Variants in CSNK1G3 observed in about 807,000 individuals in gnomAD.
CSNK1G3 encodes casein kinase I isoform gamma-3.
CSNK1G3 carries 23 observed loss-of-function variants against 64.3 expected under a neutral mutation model. That is an observed-to-expected ratio of 0.36 (90% CI 0.26 to 0.51). The LOEUF (loss-of-function observed/expected upper bound fraction) is 0.51. Among genes scored for constraint, CSNK1G3 ranks in the 20% least tolerant of loss-of-function variants. The pLI is 0.96. For synonymous variants in CSNK1G3, 158 were observed against 162.2 expected (o/e 0.97, Z 0.20); for missense variants, 357 against 510.5 (o/e 0.70, Z 2.90).
chr5:123,568,353 C>CAGTGA (rs1787371291), intron 4 of CSNK1G3, among the ~76,000 whole-genome samples: 17 of 152,118 alleles, frequency 1.1e-4, no homozygotes, highest in Admixed American at 1.1e-3. Flanking sequence ...TCTTCTCGGT[C>CAGTGA]CAACCACTGG....
At chr5:123,600,603 T>C (rs558431602) in intron 10 of CSNK1G3, among the ~76,000 whole-genome samples, 126 of 149,192 alleles carry the variant, frequency 8.4e-4, no homozygotes, top group Middle Eastern at 3.4e-3. Context: ...TCAGCCTGGG[T>C]GACCGAATAA....
chr5:123,578,280 G>A (rs1008053111), intron 6 of CSNK1G3, among the ~76,000 whole-genome samples: 3 of 151,684 alleles, frequency 2.0e-5, no homozygotes, highest in African/African-American at 7.3e-5. Context: ...ATTTCCATCA[G>A]TAATGAATGA....
intron 1 of CSNK1G3, among the ~76,000 whole-genome samples, chr5:123,526,282 T>A (rs1779057050): frequency 6.6e-6 from 1 of 152,132 alleles, no homozygotes; most frequent in Non-Finnish European, 1.5e-5. Context: ...GGTCTTGAGC[T>A]GGCCTCAAGT....
At chr5:123,599,690 T>G (rs139023255) in intron 10 of CSNK1G3, among the ~76,000 whole-genome samples, 26 of 152,282 alleles carry the variant, frequency 1.7e-4, no homozygotes, top group Non-Finnish European at 2.9e-4. Flanking sequence ...TAGTGACTAT[T>G]ACAATCACAT....
At chr5:123,573,850 A>AT (rs35902791) in intron 5 of CSNK1G3, among the ~76,000 whole-genome samples, 47,580 of 140,210 alleles carry the variant, frequency 0.34, 8,507 homozygotes, top group African/African-American at 0.44. Flanking sequence ...AGAAACATAG[A>AT]TTTTTTTTTT....
At chr5:123,542,401 A>G (rs2150222541) in intron 1 of CSNK1G3, among the ~76,000 whole-genome samples, 1 of 152,310 alleles carries the variant, frequency 6.6e-6, no homozygotes, top group East Asian at 1.9e-4. Context: ...TTATCTTTAA[A>G]GGAAATTAAT....
chr5:123,575,496 C>A lies in CSNK1G3; in HGVS notation c.439-233C>A, dbSNP rs112572226. Reference sequence around the variant, plus strand: ...CAGGCTTGCTGATATGAAAGGAATTCATAAAATTCAAATACTCTCGTTTAG... The same window carrying A: ...CAGGCTTGCTGATATGAAAGGAATTAATAAAATTCAAATACTCTCGTTTAG... On this transcript the variant is annotated intron_variant, in intron 5 of 12. Coordinates refer to ENST00000345990, the Ensembl canonical transcript of CSNK1G3. Among the ~76,000 whole-genome samples, 1,217 of 152,226 alleles carry A rather than the reference C, an allele frequency of 8.0e-3. 10 individuals carry two copies. Among genetic ancestry groups the A allele is most frequent in the East Asian group, 0.049 (255 of 5,172 alleles).
chr5:123,570,252 C>G (rs1438895363), intron 4 of CSNK1G3, among the ~76,000 whole-genome samples: 9 of 151,798 alleles, frequency 5.9e-5, no homozygotes, highest in Non-Finnish European at 8.8e-5. Flanking sequence ...ATACTGCTAT[C>G]TATCTTATTC....
chr5:123,566,362 A>G (rs1248792628), intron 4 of CSNK1G3, among the ~76,000 whole-genome samples: 1 of 152,222 alleles, frequency 6.6e-6, no homozygotes, highest in Non-Finnish European at 1.5e-5. Flanking sequence ...AAATTATCAG[A>G]TGTAACTTTC....
At chr5:123,534,829 G>A (rs1780526785) in intron 1 of CSNK1G3, among the ~76,000 whole-genome samples, 1 of 152,074 alleles carries the variant, frequency 6.6e-6, no homozygotes, top group Non-Finnish European at 1.5e-5. Flanking sequence ...TGTTTGTGTT[G>A]TTTTAAACCT....
intron 1 of CSNK1G3, among the ~76,000 whole-genome samples, chr5:123,515,638 A>G (rs1777009622): frequency 6.6e-6 from 1 of 152,118 alleles, no homozygotes; most frequent in African/African-American, 2.4e-5. Flanking sequence ...TTATCAAAGG[A>G]GTGCTTAGAA....
intron 1 of CSNK1G3, among the ~76,000 whole-genome samples, chr5:123,518,436 T>C (rs1026672862): frequency 6.6e-6 from 1 of 152,194 alleles, no homozygotes; most frequent in African/African-American, 2.4e-5. Flanking sequence ...GGTCTGCCCC[T>C]CTGTGATTTT....
At chr5:123,525,220 C>CT (rs910945450) in intron 1 of CSNK1G3, among the ~76,000 whole-genome samples, 88 of 136,142 alleles carry the variant, frequency 6.5e-4, no homozygotes, top group East Asian at 6.3e-3. Flanking sequence ...TTGTTTCTGT[C>CT]TTTTTTTTTT....
intron 4 of CSNK1G3, among the ~76,000 whole-genome samples, chr5:123,558,897 TGCTC>T (rs1785136098): frequency 6.6e-6 from 1 of 152,200 alleles, no homozygotes; most frequent in East Asian, 1.9e-4. Flanking sequence ...GATTAGACAT[TGCTC>T]TATCCAGTGC....
At chr5:123,557,406 G>A (rs1362683638) in intron 3 of CSNK1G3, 89 bp from the exon 4 acceptor site, 3 of 847,436 alleles carry the variant, frequency 3.5e-6, no homozygotes, top group Non-Finnish European at 5.8e-6. Context: ...CATAATATAG[G>A]CATTGACACC....
chr5:123,591,723 A>G (rs1038857756), intron 10 of CSNK1G3, among the ~76,000 whole-genome samples: 1 of 152,080 alleles, frequency 6.6e-6, no homozygotes, highest in Admixed American at 6.6e-5. Flanking sequence ...GTTTAGTTCA[A>G]TAAATTATTT....
At chr5:123,574,200 A>C (rs1788702911) in intron 5 of CSNK1G3, among the ~76,000 whole-genome samples, 1 of 152,180 alleles carries the variant, frequency 6.6e-6, no homozygotes. Flanking sequence ...TGGAAAAACA[A>C]GAGGCAGACT....
At chr5:123,601,638 AG>A (rs1794523162) in intron 10 of CSNK1G3, among the ~76,000 whole-genome samples, 1 of 152,212 alleles carries the variant, frequency 6.6e-6, no homozygotes, top group Non-Finnish European at 1.5e-5. Flanking sequence ...GTGTATATAT[AG>A]TCACTGTTGC....
At chr5:123,512,617 C>T (rs1242495418) in intron 1 of CSNK1G3, 47 bp downstream of exon 1, 3 of 146,756 alleles carry the variant, frequency 2.0e-5, no homozygotes, top group Non-Finnish European at 3.0e-5. Flanking sequence ...CCCGGCCCGG[C>T]GGCTGCCTCG....
Sources: allele counts gnomAD v4.1 joint callset (sites outside exome capture counted in the v4.1 genomes callset), GRCh38; gene constraint gnomAD v4.1.1; transcripts MANE v1.5; gene names NCBI Gene and HGNC (gene_info 2026-07-23, HGNC 2026-07-21).